Variants in ZNF385D observed in about 807,000 individuals in gnomAD.
ZNF385D encodes the protein zinc finger protein 385D, also known as zinc finger protein 659.
In ZNF385D, 15 loss-of-function variants were observed where a neutral mutation model predicts 35.8. The observed-to-expected ratio is 0.42, with a 90% confidence interval of 0.28 to 0.64. The LOEUF is 0.64. Ranked by LOEUF, ZNF385D falls within the 30% of genes least tolerant of loss-of-function variation. The probability of loss-of-function intolerance (pLI) is 0.23; values close to 1 mark genes in which losing one functional copy is unlikely to be tolerated. For synonymous variants in ZNF385D, 212 were observed against 186.8 expected, an observed-to-expected ratio of 1.13 and a Z score of -1.10; for missense variants, 474 against 494.6, an observed-to-expected ratio of 0.96 and a Z score of 0.39.
At chr3:22,232,011 A>G (rs1309342019) in intron 2 of ZNF385D, among the ~76,000 whole-genome samples, 1 of 152,104 alleles carries the variant, frequency 6.6e-6, no homozygotes, top group East Asian at 1.9e-4. Flanking sequence ...AGGCCCCCCA[A>G]AAGGAGAAGC....
At chr3:21,874,493 G>T (rs757771228) in intron 3 of ZNF385D, among the ~76,000 whole-genome samples, 2 of 152,140 alleles carry the variant, frequency 1.3e-5, no homozygotes, top group Admixed American at 6.6e-5. Flanking sequence ...GTATGCAAAA[G>T]CTTTTTAGTT....
At chr3:21,779,426 A>G (rs1023541421) in intron 3 of ZNF385D, among the ~76,000 whole-genome samples, 1 of 151,960 alleles carries the variant, frequency 6.6e-6, no homozygotes, top group Admixed American at 6.6e-5. Flanking sequence ...AACATTAAAG[A>G]GAGCGGATTG....
chr3:21,583,714 ATTGTT>A (rs889194153), intron 2 of ZNF385D, among the ~76,000 whole-genome samples: 1 of 151,460 alleles, frequency 6.6e-6, no homozygotes, highest in African/African-American at 2.4e-5. Context: ...TAAATATTGT[ATTGTT>A]ATGTTACTCT....
intron 2 of ZNF385D, among the ~76,000 whole-genome samples, chr3:21,608,785 A>G (rs1421954417): frequency 2.0e-5 from 3 of 152,170 alleles, no homozygotes; most frequent in East Asian, 1.9e-4. Flanking sequence ...GTAGTTCCCA[A>G]TCCAGTTGTG....
At chr3:22,009,138 T>A (rs541340424) in intron 3 of ZNF385D, among the ~76,000 whole-genome samples, 1 of 152,242 alleles carries the variant, frequency 6.6e-6, no homozygotes, top group South Asian at 2.1e-4. Flanking sequence ...AAAACACACA[T>A]ATCCTCAAAC....
chr3:22,258,462 A>T (rs1206049010), intron 2 of ZNF385D, among the ~76,000 whole-genome samples: 1 of 151,794 alleles, frequency 6.6e-6, no homozygotes, highest in Admixed American at 6.6e-5. Flanking sequence ...ACTCTGTATA[A>T]TATCATGAAA....
At position 22,252,872 on chromosome 3, in the gene ZNF385D, G is replaced by A. The variant is rs117789231; in HGVS notation, c.107-83837C>T. 4.1e-4 allele frequency among the ~76,000 whole-genome samples: 63 copies of A among 152,194 alleles called. No individual in the cohort carries two copies. In the East Asian group the frequency reaches 9.9e-3, roughly 24 times the overall value. On this transcript the variant is annotated intron_variant, in intron 2 of 5. Coordinates refer to the ZNF385D transcript ENST00000494108. ...CAAATGACAATCAAGAGGCACACTGGCGAAGACTGTAAAAATGTTCCTTAC... is the reference window on the plus strand; with the variant it reads ...CAAATGACAATCAAGAGGCACACTGACGAAGACTGTAAAAATGTTCCTTAC...
intron 3 of ZNF385D, among the ~76,000 whole-genome samples, chr3:22,012,837 T>A (rs1031124610): frequency 6.6e-6 from 1 of 152,166 alleles, no homozygotes; most frequent in African/African-American, 2.4e-5. Context: ...GTACTGGCAA[T>A]AGATTACATT....
chr3:22,100,132 G>C (rs534626144), intron 3 of ZNF385D, among the ~76,000 whole-genome samples: 2 of 145,218 alleles, frequency 1.4e-5, no homozygotes, highest in South Asian at 4.6e-4. Flanking sequence ...ACCACAATGA[G>C]ATATCATCTC....
intron 3 of ZNF385D, among the ~76,000 whole-genome samples, chr3:21,866,710 A>C (rs1458022575): frequency 1.3e-5 from 2 of 152,144 alleles, no homozygotes; most frequent in Non-Finnish European, 2.9e-5. Context: ...TTTTGGCATA[A>C]ATAGTAGCTA....
chr3:21,436,583 A>T (rs988443933), intron 5 of ZNF385D, among the ~76,000 whole-genome samples: 5 of 152,204 alleles, frequency 3.3e-5, no homozygotes, highest in African/African-American at 1.2e-4. Context: ...AAAGGTGCTT[A>T]GAGTCACGCA....
chr3:21,849,056 C>T (rs1256259365), intron 3 of ZNF385D, among the ~76,000 whole-genome samples: 1 of 152,038 alleles, frequency 6.6e-6, no homozygotes, highest in African/African-American at 2.4e-5. Flanking sequence ...CTCACTATGT[C>T]TGAATTACAT....
intron 3 of ZNF385D, among the ~76,000 whole-genome samples, chr3:22,077,728 C>G (rs988859191): frequency 6.6e-6 from 1 of 151,982 alleles, no homozygotes; most frequent in East Asian, 1.9e-4. Context: ...GCAGTTGTAG[C>G]TGCCTACATA....
intron 2 of ZNF385D, among the ~76,000 whole-genome samples, chr3:22,322,575 CCAAT>C (rs915799638): frequency 2.0e-5 from 3 of 152,104 alleles, no homozygotes; most frequent in African/African-American, 4.8e-5. Flanking sequence ...TTTAACCTGC[CCAAT>C]CAGTGATATT....
At chr3:21,872,405 T>A (rs574420415) in intron 3 of ZNF385D, among the ~76,000 whole-genome samples, 2 of 152,304 alleles carry the variant, frequency 1.3e-5, no homozygotes, top group South Asian at 4.1e-4. Flanking sequence ...GAACTCCATA[T>A]ACACACTTTT....
intron 2 of ZNF385D, among the ~76,000 whole-genome samples, chr3:21,609,857 A>C (rs1244665752): frequency 6.6e-6 from 1 of 152,222 alleles, no homozygotes; most frequent in Non-Finnish European, 1.5e-5. Context: ...GGCAGAGAGA[A>C]ATAGAGAGGA....
chr3:21,599,802 G>T (rs9835200), intron 2 of ZNF385D, among the ~76,000 whole-genome samples: 1 of 152,182 alleles, frequency 6.6e-6, no homozygotes, highest in Non-Finnish European at 1.5e-5. Flanking sequence ...CACTGGCAGA[G>T]GACACTCCTG....
chr3:21,591,260 T>C (rs1290653608), intron 2 of ZNF385D, among the ~76,000 whole-genome samples: 1 of 152,090 alleles, frequency 6.6e-6, no homozygotes, highest in African/African-American at 2.4e-5. Flanking sequence ...AAAAATTCCA[T>C]ATTATAATTT....
chr3:21,649,752 A>G (rs970704797), intron 2 of ZNF385D, among the ~76,000 whole-genome samples: 7 of 152,214 alleles, frequency 4.6e-5, no homozygotes, highest in Non-Finnish European at 1.0e-4. Context: ...TTTTTTCCCA[A>G]TTCTTTGACT....
Sources: gnomAD v4.1 joint callset for allele counts (sites outside exome capture counted in the v4.1 genomes callset) on GRCh38, gnomAD v4.1.1 for gene constraint, MANE v1.5 for transcripts, NCBI Gene and HGNC (gene_info 2026-07-23, HGNC 2026-07-21) for gene names.